Variants in KCNK2 observed in about 807,000 individuals in gnomAD.
KCNK2 encodes potassium two pore domain channel subfamily K member 2, also known as potassium channel subfamily K member 2.
KCNK2 carries 21 observed loss-of-function variants against 40.5 expected under a neutral mutation model. The ratio of observed to expected loss-of-function variants is 0.52; its 90% CI spans 0.37 to 0.75. The LOEUF is 0.75. KCNK2 is among the 30% of genes least tolerant of loss of function. The probability of loss-of-function intolerance (pLI) is 0.00; values close to 1 mark genes in which losing one functional copy is unlikely to be tolerated. For missense variants in KCNK2, 399 were observed against 531.6 expected, an observed-to-expected ratio of 0.75 and a Z score of 2.45; for synonymous variants, 191 against 202.2, an observed-to-expected ratio of 0.94 and a Z score of 0.47.
chr1:215,187,778 G>T (rs2102656135), intron 5 of KCNK2, among the ~76,000 whole-genome samples: 1 of 150,962 alleles, frequency 6.6e-6, no homozygotes, highest in African/African-American at 2.4e-5. Flanking sequence ...GGAATTCGAG[G>T]TTGCAGTGAA....
intron 1 of KCNK2, among the ~76,000 whole-genome samples, chr1:215,009,203 A>G (rs145963256): frequency 1.3e-5 from 2 of 152,154 alleles, no homozygotes; most frequent in East Asian, 1.9e-4. Context: ...TATTTTGATG[A>G]TTTAGTTTAT....
chr1:215,088,384 A>T (rs1002172173), intron 2 of KCNK2, among the ~76,000 whole-genome samples: 1 of 152,190 alleles, frequency 6.6e-6, no homozygotes, highest in Admixed American at 6.5e-5. Context: ...ATGAGGAAAG[A>T]GTATCTATCA....
intron 4 of KCNK2, among the ~76,000 whole-genome samples, chr1:215,169,645 T>TC (rs926584094): frequency 4.0e-5 from 6 of 150,246 alleles, no homozygotes; most frequent in African/African-American, 1.5e-4. Context: ...TTTTCTTTCT[T>TC]TTTTTTTTTG....
chr1:215,187,528 G>T (rs1274364188), intron 5 of KCNK2, among the ~76,000 whole-genome samples: 1 of 143,170 alleles, frequency 7.0e-6, no homozygotes, highest in Non-Finnish European at 1.5e-5. Context: ...CTTTTACAAA[G>T]GTCCAAGACT....
At chr1:215,095,349 TC>T (rs1659932413) in intron 2 of KCNK2, among the ~76,000 whole-genome samples, 1 of 152,090 alleles carries the variant, frequency 6.6e-6, no homozygotes, top group African/African-American at 2.4e-5. Context: ...GCAACACATG[TC>T]TAGCAATAAT....
chr1:215,114,403 A>G (rs1023432228), intron 2 of KCNK2, among the ~76,000 whole-genome samples: 24 of 152,178 alleles, frequency 1.6e-4, no homozygotes, highest in African/African-American at 5.1e-4. Context: ...CTTTTGTGTA[A>G]TAACTACTGG....
At chr1:215,125,324 ACCTTT>A (rs1360190600) in intron 3 of KCNK2, among the ~76,000 whole-genome samples, 10 of 152,106 alleles carry the variant, frequency 6.6e-5, no homozygotes, top group African/African-American at 2.2e-4. Context: ...CTGATGTTTT[ACCTTT>A]TAATCGCATT....
chr1:215,067,951 G>A (rs2102513015), intron 1 of KCNK2, among the ~76,000 whole-genome samples: 1 of 152,146 alleles, frequency 6.6e-6, no homozygotes, highest in South Asian at 2.1e-4. Flanking sequence ...ATACAACTGG[G>A]AAATTCGCCC....
chr1:215,005,572 A>G (rs1448468075), upstream of KCNK2, among the ~76,000 whole-genome samples: 1 of 152,228 alleles, frequency 6.6e-6, no homozygotes, highest in Non-Finnish European at 1.5e-5. Context: ...GACGCTGGCA[A>G]CTTTGATATG....
chr1:215,195,650 T>A (rs1430956512), intron 6 of KCNK2, among the ~76,000 whole-genome samples: 4 of 152,204 alleles, frequency 2.6e-5, no homozygotes, highest in African/African-American at 4.8e-5. Context: ...ACTTATCTTA[T>A]ACAACTAAAC....
At chr1:215,023,226 C>G (rs1379228273) in intron 1 of KCNK2, among the ~76,000 whole-genome samples, 1 of 152,004 alleles carries the variant, frequency 6.6e-6, no homozygotes. Context: ...TTTTTTGTAT[C>G]TTTTTTTCCT....
At chr1:215,189,626 G>T (rs1386073131) in intron 5 of KCNK2, among the ~76,000 whole-genome samples, 3 of 152,040 alleles carry the variant, frequency 2.0e-5, no homozygotes, top group Non-Finnish European at 2.9e-5. Context: ...TTGGCATTCT[G>T]GTTTTCCGAC....
chr1:215,012,067 G>T (rs1357146506), intron 1 of KCNK2, among the ~76,000 whole-genome samples: 1 of 152,118 alleles, frequency 6.6e-6, no homozygotes, highest in African/African-American at 2.4e-5. Flanking sequence ...GAACTTTCAG[G>T]CTGTTGCCAG....
chr1:215,094,772 A>G (rs1317618282), intron 2 of KCNK2, among the ~76,000 whole-genome samples: 1 of 152,130 alleles, frequency 6.6e-6, no homozygotes, highest in Non-Finnish European at 1.5e-5. Flanking sequence ...TGGATACAAA[A>G]TGAGAAAAAT....
chr1:215,097,846 C>G (rs933741627), intron 2 of KCNK2, among the ~76,000 whole-genome samples: 1 of 151,948 alleles, frequency 6.6e-6, no homozygotes, highest in African/African-American at 2.4e-5. Flanking sequence ...AAAGAGACTT[C>G]TGGGAAATGA....
intron 1 of KCNK2, among the ~76,000 whole-genome samples, chr1:215,077,580 A>G (rs960470312): frequency 4.6e-5 from 7 of 152,128 alleles, no homozygotes; most frequent in Non-Finnish European, 8.8e-5. Context: ...TTCTTCTGCG[A>G]TGAAAATTCA....
At chr1:215,223,514 T>C (rs929318579) in intron 6 of KCNK2, among the ~76,000 whole-genome samples, 1 of 152,016 alleles carries the variant, frequency 6.6e-6, no homozygotes, top group African/African-American at 2.4e-5. Context: ...TAGGACAAGA[T>C]TGTAGGACTG....
intron 1 of KCNK2, among the ~76,000 whole-genome samples, chr1:215,039,043 G>T: frequency 6.6e-6 from 1 of 151,988 alleles, no homozygotes; most frequent in East Asian, 1.9e-4. Flanking sequence ...GACAATGTCG[G>T]TGAAATGAAA....
intron 2 of KCNK2, among the ~76,000 whole-genome samples, chr1:215,120,400 C>A (rs1330497261): frequency 6.6e-6 from 1 of 152,126 alleles, no homozygotes; most frequent in Non-Finnish European, 1.5e-5. Flanking sequence ...ATTGCTTCCC[C>A]ATCACCTAGT....
Sources: gnomAD v4.1 joint callset for allele counts (sites outside exome capture counted in the v4.1 genomes callset) on GRCh38, gnomAD v4.1.1 for gene constraint, MANE v1.5 for transcripts, NCBI Gene and HGNC (gene_info 2026-07-23, HGNC 2026-07-21) for gene names.